Variants in KATNIP observed in about 807,000 individuals in gnomAD.
KATNIP encodes the protein katanin-interacting protein.
A neutral mutation model predicts 174.0 loss-of-function variants in KATNIP; 126 were observed. The observed-to-expected ratio is 0.72, with a 90% confidence interval of 0.63 to 0.84. KATNIP has a LOEUF of 0.84. Among genes scored for constraint, KATNIP ranks in the 40% least tolerant of loss-of-function variants. The pLI is 0.00. For missense variants in KATNIP, 1,958 were observed against 2,109.7 expected, an observed-to-expected ratio of 0.93 and a Z score of 1.41; for synonymous variants, 810 against 835.7, an observed-to-expected ratio of 0.97 and a Z score of 0.53.
chr16:27,719,076 C>CA, intron 13 of KATNIP, among the ~76,000 whole-genome samples: 1 of 152,318 alleles, frequency 6.6e-6, no homozygotes, highest in Admixed American at 6.5e-5. Context: ...ACAACTCAGC[C>CA]AGTGTCAGGC....
chr16:27,710,932 G>A (rs1567332201), intron 13 of KATNIP, among the ~76,000 whole-genome samples: 2 of 152,136 alleles, frequency 1.3e-5, no homozygotes, highest in Non-Finnish European at 2.9e-5. Flanking sequence ...CCAGATTCTG[G>A]TCTTGACTCT....
At chr16:27,711,377 G>A (rs559067962) in intron 13 of KATNIP, among the ~76,000 whole-genome samples, 1 of 152,160 alleles carries the variant, frequency 6.6e-6, no homozygotes, top group Non-Finnish European at 1.5e-5. Flanking sequence ...ACTAACTTAC[G>A]TCTTAAACTG....
intron 1 of KATNIP, among the ~76,000 whole-genome samples, chr16:27,559,757 G>A (rs1294169823): frequency 6.6e-6 from 1 of 151,696 alleles, no homozygotes; most frequent in East Asian, 1.9e-4. Flanking sequence ...GAGGCAGGCG[G>A]ATCACTTGAG....
Position 27,711,350 on chromosome 16 carries a change from T to C in KATNIP, c.1605+2430T>C, listed in dbSNP as rs557784564. Among the ~76,000 whole-genome samples, 59 of 152,330 alleles carry C rather than the reference T, an allele frequency of 3.9e-4. 2 individuals carry two copies. The South Asian group carries it at 0.012, about 32-fold the overall frequency. Reference sequence around the variant, plus strand: ...GCCTTTGTGTGAGTGGTCACTTCCATGGCATCCGAAACCATCACTAACTTA... The same window carrying C: ...GCCTTTGTGTGAGTGGTCACTTCCACGGCATCCGAAACCATCACTAACTTA... On this transcript the variant is annotated intron_variant, in intron 13 of 27. Coordinates refer to ENST00000261588, the MANE Select transcript of KATNIP (RefSeq NM_015202.5).
intron 14 of KATNIP, among the ~76,000 whole-genome samples, chr16:27,726,179 G>A (rs556390669): frequency 1.8e-4 from 28 of 152,154 alleles, no homozygotes; most frequent in Admixed American, 2.6e-4. Flanking sequence ...TAGGCTGCAC[G>A]CTCCTTATGA....
At chr16:27,746,438 G>A (rs2081297897) in intron 15 of KATNIP, among the ~76,000 whole-genome samples, 1 of 152,234 alleles carries the variant, frequency 6.6e-6, no homozygotes, top group Non-Finnish European at 1.5e-5. Context: ...TTAAATGGCA[G>A]ATGAGAAGTG....
intron 18 of KATNIP, among the ~76,000 whole-genome samples, chr16:27,759,466 A>C (rs1180259125): frequency 6.6e-6 from 1 of 152,236 alleles, no homozygotes; most frequent in East Asian, 1.9e-4. Context: ...CTGGCTTAAC[A>C]CAACTACCAT....
rs1225697463 is a variant in KATNIP at position 27,550,158 on chromosome 16, G to A, written c.-13G>A. On this transcript the variant is annotated 5_prime_UTR_variant, in exon 1 of 28. Transcript: ENST00000261588. ...GCTTCCGGTTCGAGCTCCCGGAACC[G>A]CCGCCTCTAGGGATGGACGGTGAGT... 2 of 1,612,260 alleles carry A rather than the reference G, an allele frequency of 1.2e-6. No individual in the cohort carries two copies. Among genetic ancestry groups the A allele is most frequent in the Non-Finnish European group, 1.7e-6 (2 of 1,178,682 alleles).
At position 27,606,538 on chromosome 16, in the gene KATNIP, CT is replaced by C. The variant is rs1245423292; in HGVS notation, c.64-11885del. ...ATACACACACACACATACACACACA[CT>C]TCAAACTGGCCCAAGGAAAGAAAGG... On this transcript the variant is annotated intron_variant, in intron 2 of 27. Transcript: ENST00000261588. Among the ~76,000 whole-genome samples the C allele has an allele frequency of 3.3e-5, 5 of 151,802 alleles. No homozygotes were observed. In the South Asian group the frequency reaches 8.3e-4, roughly 25 times the overall value.
intron 2 of KATNIP, among the ~76,000 whole-genome samples, chr16:27,591,152 T>G (rs1407544465): frequency 1.3e-5 from 2 of 152,078 alleles, no homozygotes; most frequent in African/African-American, 4.8e-5. Flanking sequence ...TTTGAACTGA[T>G]CAGTATAGAA....
Position 27,763,135 on chromosome 16 carries a change from G to T in KATNIP, c.3809+1545G>T, listed in dbSNP as rs529418091. Among the ~76,000 whole-genome samples, 806 of 151,550 alleles carry T rather than the reference G, an allele frequency of 5.3e-3. 6 individuals are homozygous for T. Among genetic ancestry groups the T allele is most frequent in the Non-Finnish European group, 8.6e-3 (586 of 67,860 alleles). On this transcript the variant is annotated intron_variant, in intron 19 of 27. Transcript: ENST00000261588. ...ATTCGAGACCAGCCTGGGTAACAGT[G>T]AGAATGTGTCTCTACAAAAGAAAAA...
At chr16:27,614,577 G>A (rs1347199694) in intron 2 of KATNIP, among the ~76,000 whole-genome samples, 1 of 152,186 alleles carries the variant, frequency 6.6e-6, no homozygotes, top group African/African-American at 2.4e-5. Flanking sequence ...CCAGAGCACT[G>A]AGATTACAGG....
At chr16:27,629,288 T>A (rs924713012) in intron 4 of KATNIP, among the ~76,000 whole-genome samples, 13 of 152,138 alleles carry the variant, frequency 8.5e-5, no homozygotes, top group Admixed American at 7.9e-4. Flanking sequence ...AGAAATCCTG[T>A]TTTATTCCTG....
intron 13 of KATNIP, among the ~76,000 whole-genome samples, chr16:27,714,870 A>G (rs971200463): frequency 2.0e-5 from 3 of 152,224 alleles, no homozygotes; most frequent in Non-Finnish European, 4.4e-5. Flanking sequence ...AGATGGTAAT[A>G]CTTCCCCAAA....
Position 27,721,612 on chromosome 16 carries a change from T to C in KATNIP, c.1660T>C (p.Phe554Leu), listed in dbSNP as rs146755387. 4.1e-5 allele frequency: 66 copies of C among 1,613,988 alleles called. No homozygotes were observed. The highest frequency in any genetic ancestry group is 5.3e-5 in the Non-Finnish European group (63 of 1,180,008). ...CCCCTTCCACCCACCACTCCAGCTG[T>C]TTTTTGTTATTCGAAACACAAGACA... ...TCPFHPPLQL[F>L]FVIRNTRQLG... Residue 554 changes from phenylalanine to leucine, a missense_variant, in exon 14 of 28, where the codon TTT becomes CTT. By Grantham distance (22) the Phe-to-Leu change is conservative. This residue lies in a region of KATNIP where 1,557 missense variants were observed against 1,617.8 expected (regional missense o/e 0.96). Transcript: ENST00000261588.
At chr16:27,765,129 C>G (rs2082078486) in intron 19 of KATNIP, among the ~76,000 whole-genome samples, 3 of 152,172 alleles carry the variant, frequency 2.0e-5, no homozygotes, top group Admixed American at 2.0e-4. Context: ...GGGGAAGGTT[C>G]TAGAAAATGG....
At chr16:27,610,906 C>G (rs1223204600) in intron 2 of KATNIP, among the ~76,000 whole-genome samples, 1 of 152,220 alleles carries the variant, frequency 6.6e-6, no homozygotes, top group African/African-American at 2.4e-5. Flanking sequence ...TGTCTCTTAT[C>G]TACCTGTGAC....
intron 19 of KATNIP, among the ~76,000 whole-genome samples, chr16:27,764,293 C>T (rs1040567288): frequency 6.6e-6 from 1 of 152,126 alleles, no homozygotes. Context: ...ACGTGTGTTT[C>T]TTTTTAGGGA....
At chr16:27,556,563 C>A (rs566930244) in intron 1 of KATNIP, among the ~76,000 whole-genome samples, 5 of 152,300 alleles carry the variant, frequency 3.3e-5, no homozygotes, top group African/African-American at 1.2e-4. Context: ...TTATACTGTT[C>A]ATTTGCTTAG....
Sources: gnomAD v4.1 joint callset for allele counts (sites outside exome capture counted in the v4.1 genomes callset) on GRCh38, gnomAD v4.1.1 for gene constraint, gnomAD v4.1.1 regional missense constraint, MANE v1.5 for transcripts, NCBI Gene and HGNC (gene_info 2026-07-23, HGNC 2026-07-21) for gene names.